SLC35F1: variants seen among roughly 807,000 people sequenced by gnomAD.
SLC35F1 encodes the protein chromosome 6 open reading frame 169.
In SLC35F1, 14 loss-of-function variants were observed where a neutral mutation model predicts 48.7. The ratio of observed to expected loss-of-function variants is 0.29; its 90% CI spans 0.19 to 0.45. SLC35F1 has a LOEUF of 0.45. Ranked by LOEUF, SLC35F1 falls within the 20% of genes least tolerant of loss-of-function variation. The pLI, the probability that SLC35F1 is intolerant of heterozygous loss-of-function variation, is 1.00. For missense variants in SLC35F1, 404 were observed against 500.0 expected, an observed-to-expected ratio of 0.81 and a Z score of 1.83; for synonymous variants, 190 against 202.2, an observed-to-expected ratio of 0.94 and a Z score of 0.51.
intron 7 of SLC35F1, among the ~76,000 whole-genome samples, chr6:118,290,955 C>T (rs1483626982): frequency 3.9e-5 from 6 of 152,072 alleles, no homozygotes; most frequent in Non-Finnish European, 5.9e-5. Flanking sequence ...CCACCATGCC[C>T]GGCTAATTTT....
intron 2 of SLC35F1, among the ~76,000 whole-genome samples, chr6:118,231,424 A>T (rs1413114938): frequency 6.6e-6 from 1 of 152,146 alleles, no homozygotes; most frequent in Non-Finnish European, 1.5e-5. Context: ...ACTCTAAGGA[A>T]TGTATTTTCA....
At chr6:117,987,354 C>T (rs774396875) in intron 1 of SLC35F1, among the ~76,000 whole-genome samples, 4 of 146,854 alleles carry the variant, frequency 2.7e-5, no homozygotes, top group Non-Finnish European at 6.0e-5. Context: ...TCTTATTCGT[C>T]CATTTCCCCT....
At chr6:118,018,120 C>T (rs1465186852) in intron 1 of SLC35F1, among the ~76,000 whole-genome samples, 1 of 152,254 alleles carries the variant, frequency 6.6e-6, no homozygotes, top group South Asian at 2.1e-4. Flanking sequence ...TGCCTGTAAT[C>T]CCAGCACTTT....
At chr6:118,188,472 C>G (rs949957441) in intron 2 of SLC35F1, among the ~76,000 whole-genome samples, 1 of 151,888 alleles carries the variant, frequency 6.6e-6, no homozygotes, top group Non-Finnish European at 1.5e-5. Context: ...ATCACTTGAA[C>G]CTGGGAGGCA....
At chr6:118,266,441 T>C (rs1327425017) in intron 3 of SLC35F1, among the ~76,000 whole-genome samples, 1 of 152,204 alleles carries the variant, frequency 6.6e-6, no homozygotes, top group Middle Eastern at 3.2e-3. Context: ...TTTAGAGCAC[T>C]TTTTTATTTT....
chr6:117,983,460 C>T (rs370995065), intron 1 of SLC35F1, among the ~76,000 whole-genome samples: 1 of 152,082 alleles, frequency 6.6e-6, no homozygotes, highest in Non-Finnish European at 1.5e-5. Flanking sequence ...GCCTGTAATC[C>T]CAGCTACTCA....
chr6:118,303,409 A>C (rs1278779709), intron 7 of SLC35F1, among the ~76,000 whole-genome samples: 2 of 152,228 alleles, frequency 1.3e-5, no homozygotes, highest in Non-Finnish European at 2.9e-5. Context: ...CAGCTAACAA[A>C]GTAATTAGGA....
intron 1 of SLC35F1, among the ~76,000 whole-genome samples, chr6:118,094,835 A>T (rs1396990762): frequency 6.6e-6 from 1 of 151,852 alleles, no homozygotes; most frequent in African/African-American, 2.4e-5. Flanking sequence ...GGGCATGGTG[A>T]GGCACTCCTG....
chr6:118,297,902 G>A (rs1033176359), intron 7 of SLC35F1, among the ~76,000 whole-genome samples: 1 of 151,590 alleles, frequency 6.6e-6, no homozygotes, highest in Non-Finnish European at 1.5e-5. Context: ...GGAGGTGTTT[G>A]GGTCATGAGG....
At chr6:118,117,811 T>C (rs184903638) in intron 1 of SLC35F1, among the ~76,000 whole-genome samples, 9 of 152,280 alleles carry the variant, frequency 5.9e-5, no homozygotes, top group African/African-American at 2.2e-4. Flanking sequence ...TCTAGAATGT[T>C]ATATAAATGA....
At chr6:118,040,065 T>C (rs1193184771) in intron 1 of SLC35F1, among the ~76,000 whole-genome samples, 7 of 152,166 alleles carry the variant, frequency 4.6e-5, no homozygotes, top group African/African-American at 1.7e-4. Flanking sequence ...CTGTCTCACA[T>C]ATGTGTATTA....
At chr6:117,990,617 A>G (rs1006711656) in intron 1 of SLC35F1, among the ~76,000 whole-genome samples, 1 of 152,168 alleles carries the variant, frequency 6.6e-6, no homozygotes, top group Non-Finnish European at 1.5e-5. Context: ...ACACCAGCTC[A>G]TTTGTTCTTA....
At chr6:118,112,409 C>T (rs1474152455) in intron 1 of SLC35F1, among the ~76,000 whole-genome samples, 4 of 152,216 alleles carry the variant, frequency 2.6e-5, no homozygotes, top group East Asian at 3.9e-4. Flanking sequence ...TCTCTATATA[C>T]AAGCATTGTA....
chr6:117,943,197 A>G (rs1298228370), intron 1 of SLC35F1, among the ~76,000 whole-genome samples: 1 of 152,192 alleles, frequency 6.6e-6, no homozygotes, highest in African/African-American at 2.4e-5. Flanking sequence ...CTCTAACCGA[A>G]TTGTTTGGTA....
intron 1 of SLC35F1, among the ~76,000 whole-genome samples, chr6:117,974,376 G>A (rs74562485): frequency 0.017 from 2,625 of 152,228 alleles, 30 homozygotes; most frequent in East Asian, 0.031. Flanking sequence ...TTATTGAATG[G>A]ATGAATGAAT....
chr6:118,008,148 A>T (rs966266333), intron 1 of SLC35F1, among the ~76,000 whole-genome samples: 2 of 152,150 alleles, frequency 1.3e-5, no homozygotes, highest in African/African-American at 4.8e-5. Context: ...GTTTGAGATG[A>T]TGTATATCCC....
intron 3 of SLC35F1, among the ~76,000 whole-genome samples, chr6:118,253,083 A>G (rs1775596933): frequency 6.6e-6 from 1 of 152,138 alleles, no homozygotes; most frequent in South Asian, 2.1e-4. Context: ...TACTTTTGGA[A>G]GTCCTCAGCC....
intron 3 of SLC35F1, among the ~76,000 whole-genome samples, chr6:118,237,300 G>T (rs574965133): frequency 1.4e-5 from 2 of 147,326 alleles, no homozygotes; most frequent in African/African-American, 2.5e-5. Context: ...TTTATTTTGC[G>T]CAAGACCTCA....
chr6:118,031,357 GAGT>G (rs1772046695), intron 1 of SLC35F1, among the ~76,000 whole-genome samples: 3 of 152,302 alleles, frequency 2.0e-5, no homozygotes, highest in Middle Eastern at 6.8e-3. Flanking sequence ...ATTTGGAGAT[GAGT>G]AATTTTAGCA....
Sources: gnomAD v4.1 joint callset for allele counts (sites outside exome capture counted in the v4.1 genomes callset) on GRCh38, gnomAD v4.1.1 for gene constraint, MANE v1.5 for transcripts, NCBI Gene and HGNC (gene_info 2026-07-23, HGNC 2026-07-21) for gene names.